The following RUNDC3B variants were observed in gnomAD, a reference collection of about 807,000 sequenced individuals.
The protein encoded by RUNDC3B is RUN domain containing 3B, also known as RUN domain-containing protein 3B.
Under a neutral mutation model 58.4 loss-of-function variants are expected in RUNDC3B, and 33 were observed. The ratio of observed to expected loss-of-function variants is 0.56; its 90% CI spans 0.43 to 0.75. The LOEUF is 0.75. Ranked by LOEUF, RUNDC3B falls within the 30% of genes least tolerant of loss-of-function variation. RUNDC3B has a pLI of 0.00. For synonymous variants in RUNDC3B, 193 were observed against 195.2 expected, an observed-to-expected ratio of 0.99 and a Z score of 0.10; for missense variants, 501 against 535.7, an observed-to-expected ratio of 0.94 and a Z score of 0.64.
intron 2 of RUNDC3B, among the ~76,000 whole-genome samples, chr7:87,659,844 A>G (rs992506357): frequency 1.3e-5 from 2 of 152,148 alleles, no homozygotes; most frequent in African/African-American, 4.8e-5. Context: ...GCAGGAGGAA[A>G]ATACATCTAC....
intron 1 of RUNDC3B, among the ~76,000 whole-genome samples, chr7:87,645,239 C>T (rs894074453): frequency 2.0e-5 from 3 of 152,116 alleles, no homozygotes; most frequent in African/African-American, 7.2e-5. Context: ...TGTGCCACCA[C>T]AACCAGCTAA....
intron 2 of RUNDC3B, among the ~76,000 whole-genome samples, chr7:87,681,050 T>C (rs1826884661): frequency 6.6e-6 from 1 of 150,504 alleles, no homozygotes; most frequent in Non-Finnish European, 1.5e-5. Context: ...GGCATATGAC[T>C]ACAGACCTTA....
chr7:87,803,590 G>A (rs1313762946), intron 8 of RUNDC3B, among the ~76,000 whole-genome samples: 1 of 152,110 alleles, frequency 6.6e-6, no homozygotes, highest in Non-Finnish European at 1.5e-5. Context: ...AGTATAATAA[G>A]GAAGGAGAAT....
chr7:87,818,844 G>C (rs1442674145), intron 10 of RUNDC3B, among the ~76,000 whole-genome samples: 4 of 152,172 alleles, frequency 2.6e-5, no homozygotes. Context: ...TTCTGGTAAA[G>C]TACATGTGGG....
At chr7:87,710,278 T>C (rs1218382437) in intron 3 of RUNDC3B, among the ~76,000 whole-genome samples, 1 of 152,172 alleles carries the variant, frequency 6.6e-6, no homozygotes, top group African/African-American at 2.4e-5. Flanking sequence ...TATAATTACA[T>C]CATGTAATTC....
At chr7:87,656,234 C>T (rs1313913393) in intron 2 of RUNDC3B, among the ~76,000 whole-genome samples, 1 of 151,532 alleles carries the variant, frequency 6.6e-6, no homozygotes, top group African/African-American at 2.4e-5. Context: ...ATCATATATA[C>T]AATTTGTATT....
At chr7:87,647,999 A>G (rs1776928113) in intron 1 of RUNDC3B, among the ~76,000 whole-genome samples, 1 of 151,980 alleles carries the variant, frequency 6.6e-6, no homozygotes, top group Non-Finnish European at 1.5e-5. Context: ...CCTGGCTAAC[A>G]TGGTGAAACC....
intron 7 of RUNDC3B, among the ~76,000 whole-genome samples, chr7:87,774,249 A>T (rs1834494417): frequency 6.6e-6 from 1 of 152,200 alleles, no homozygotes; most frequent in South Asian, 2.1e-4. Context: ...TTAACGTTGT[A>T]AGTTGCCACA....
At chr7:87,783,736 T>C (rs890148312) in intron 8 of RUNDC3B, among the ~76,000 whole-genome samples, 2 of 152,230 alleles carry the variant, frequency 1.3e-5, no homozygotes, top group African/African-American at 4.8e-5. Context: ...CTGGAAAATA[T>C]TATACATTTC....
At chr7:87,799,885 CAA>C (rs763617668) in intron 8 of RUNDC3B, among the ~76,000 whole-genome samples, 21 of 59,322 alleles carry the variant, frequency 3.5e-4, no homozygotes, top group South Asian at 6.3e-4. Flanking sequence ...GACTCCGTCT[CAA>C]AAAAAAAAAA....
At chr7:87,735,527 C>T (rs889864803) in intron 4 of RUNDC3B, among the ~76,000 whole-genome samples, 2 of 152,310 alleles carry the variant, frequency 1.3e-5, no homozygotes, top group East Asian at 1.9e-4. Flanking sequence ...CCTGGTTTCC[C>T]TACTCTAGCT....
rs551596690 is a variant in RUNDC3B at position 87,816,868 on chromosome 7, A to G, written c.1225+606A>G. ...GTCCCATTTCAGTTTCTAAGACTCAACCTATTGGTTTTAAAACCAGTCATC... is the reference window on the plus strand; with the variant it reads ...GTCCCATTTCAGTTTCTAAGACTCAGCCTATTGGTTTTAAAACCAGTCATC... On this transcript the variant is annotated intron_variant, in intron 10 of 10. Transcript: ENST00000394654. Among the ~76,000 whole-genome samples, 231 of 152,160 alleles carry G rather than the reference A, an allele frequency of 1.5e-3. 4 individuals are homozygous for G. The highest frequency in any genetic ancestry group is 2.3e-3 in the Non-Finnish European group (157 of 67,988).
chr7:87,772,822 A>AT (rs1264906653), intron 7 of RUNDC3B, among the ~76,000 whole-genome samples: 1 of 152,126 alleles, frequency 6.6e-6, no homozygotes, highest in Non-Finnish European at 1.5e-5. Flanking sequence ...AAACTCTTAG[A>AT]TTTTTTGAAA....
chr7:87,654,846 A>G (rs1823929224), intron 2 of RUNDC3B, among the ~76,000 whole-genome samples: 1 of 152,140 alleles, frequency 6.6e-6, no homozygotes, highest in African/African-American at 2.4e-5. Context: ...GAGGAACTCA[A>G]TAGTAAGAAA....
intron 2 of RUNDC3B, among the ~76,000 whole-genome samples, chr7:87,668,049 C>A (rs1020169641): frequency 1.3e-5 from 2 of 151,374 alleles, no homozygotes; most frequent in Non-Finnish European, 2.9e-5. Flanking sequence ...GGAATTATTT[C>A]AGTAGAAATG....
intron 2 of RUNDC3B, among the ~76,000 whole-genome samples, chr7:87,664,456 T>C (rs1287124816): frequency 6.6e-6 from 1 of 152,192 alleles, no homozygotes; most frequent in African/African-American, 2.4e-5. Flanking sequence ...ACCCAGATGT[T>C]GGAATAATCA....
chr7:87,662,829 A>T (rs1266404663), intron 2 of RUNDC3B, among the ~76,000 whole-genome samples: 2 of 152,152 alleles, frequency 1.3e-5, no homozygotes, highest in Non-Finnish European at 2.9e-5. Flanking sequence ...TTGAATATGT[A>T]TACTGCTTTG....
In RUNDC3B at chr7:87,831,662, T is replaced by A. The variant is rs2130987774; in HGVS notation, c.*1632T>A. The A allele has an allele frequency of 6.6e-6, 1 of 151,940 alleles. No homozygotes were observed. The highest frequency in any genetic ancestry group is 2.4e-5 in the African/African-American group (1 of 41,486). The allele number at this position is 151,940 out of a possible 1,614,324, so 9.4% of individuals were successfully genotyped here. On this transcript the variant is annotated 3_prime_UTR_variant, in exon 11 of 11. Transcript: ENST00000394654. ...TTATGAGTGAAGTATCCAAAGCAGGTTTTCATCAGCATGGGGGATGGAAGG... is the reference window on the plus strand; with the variant it reads ...TTATGAGTGAAGTATCCAAAGCAGGATTTCATCAGCATGGGGGATGGAAGG...
chr7:87,698,789 T>C lies in RUNDC3B; in HGVS notation c.239-1632T>C, dbSNP rs1828741568. Among the ~76,000 whole-genome samples, 3 of 152,162 alleles carry C rather than the reference T, an allele frequency of 2.0e-5. No homozygotes were observed. In the South Asian group the frequency reaches 6.2e-4, roughly 32 times the overall value. Reference sequence around the variant, plus strand: ...GTGAAATAATCAAGTAAAGAAATACTTTTGAGGAGAAGTAAGCACAGGGTC... The same window carrying C: ...GTGAAATAATCAAGTAAAGAAATACCTTTGAGGAGAAGTAAGCACAGGGTC... On this transcript the variant is annotated intron_variant, in intron 2 of 10. Coordinates refer to ENST00000394654, the MANE Select transcript of RUNDC3B (RefSeq NM_001134405.2).
Sources: allele counts gnomAD v4.1 joint callset (sites outside exome capture counted in the v4.1 genomes callset), GRCh38; gene constraint gnomAD v4.1.1; transcripts MANE v1.5; gene names NCBI Gene and HGNC (gene_info 2026-07-23, HGNC 2026-07-21).